Variants in RAB28 observed in about 807,000 individuals in gnomAD.
The protein encoded by RAB28 is RAB28, member RAS oncogene family, also known as ras-related protein Rab-28.
Under a neutral mutation model 31.7 loss-of-function variants are expected in RAB28, and 24 were observed. The ratio of observed to expected loss-of-function variants is 0.76; its 90% CI spans 0.55 to 1.06. RAB28 has a LOEUF of 1.06. Among genes scored for constraint, RAB28 ranks in the 50% least tolerant of loss-of-function variants. The pLI is 0.00. For missense variants in RAB28, 254 were observed against 258.5 expected (o/e 0.98, Z 0.12); for synonymous variants, 100 against 90.4 (o/e 1.11, Z -0.60).
intron 4 of RAB28, among the ~76,000 whole-genome samples, chr4:13,428,905 G>A (rs879853142): frequency 8.0e-5 from 12 of 149,658 alleles, no homozygotes; most frequent in African/African-American, 2.7e-4. Context: ...AATAAATGCC[G>A]AAGAAGCATT....
At chr4:13,392,255 T>C (rs78020660) in intron 4 of RAB28, among the ~76,000 whole-genome samples, 2 of 152,292 alleles carry the variant, frequency 1.3e-5, no homozygotes, top group East Asian at 3.9e-4. Flanking sequence ...GAGACAGATT[T>C]TGATGAGTAA....
chr4:13,403,887 T>C (rs1157107566), intron 4 of RAB28, among the ~76,000 whole-genome samples: 1 of 152,212 alleles, frequency 6.6e-6, no homozygotes, highest in Non-Finnish European at 1.5e-5. Flanking sequence ...AAAATGCATT[T>C]AGCCAAATTA....
intron 4 of RAB28, among the ~76,000 whole-genome samples, chr4:13,439,562 G>A (rs1263811888): frequency 6.6e-6 from 1 of 152,126 alleles, no homozygotes; most frequent in Middle Eastern, 3.2e-3. Context: ...GGCCAGACTG[G>A]TCTCAAACTC....
chr4:13,444,712 T>A (rs1048056196), intron 4 of RAB28, among the ~76,000 whole-genome samples: 5 of 152,234 alleles, frequency 3.3e-5, no homozygotes, highest in African/African-American at 1.2e-4. Flanking sequence ...TGTGGTGATA[T>A]TTAATTGTGG....
chr4:13,372,526 G>A (rs1444012997), intron 6 of RAB28, among the ~76,000 whole-genome samples: 1 of 152,074 alleles, frequency 6.6e-6, no homozygotes, highest in Non-Finnish European at 1.5e-5. Flanking sequence ...TAATTTAAAA[G>A]GTGAATAGGA....
chr4:13,446,486 C>T (rs1393884488), intron 4 of RAB28, among the ~76,000 whole-genome samples: 1 of 152,194 alleles, frequency 6.6e-6, no homozygotes, highest in Non-Finnish European at 1.5e-5. Flanking sequence ...ACCCGGGGCC[C>T]TGGTGGTGTA....
Position 13,484,091 on chromosome 4 carries a change from G to A in RAB28, c.60C>T (p.Asp20=), listed in dbSNP as rs2108982081. ...GAGGACTGACCTTCCCGGAGGCGCC[G>A]TCCCCCAGCACGACGATTTTCAGTT... ...DRQLKIVVLG[D]GASGKTSLTT... Residue 20 remains aspartate (D), a synonymous_variant, in exon 1 of 7, where the codon GAC becomes GAT. Transcript: ENST00000330852. 2.5e-6 allele frequency: 4 copies of A among 1,600,576 alleles called. No homozygotes were observed. Among genetic ancestry groups the A allele is most frequent in the Non-Finnish European group, 3.4e-6 (4 of 1,174,160 alleles).
chr4:13,385,110 C>A (rs1729306370), intron 4 of RAB28, among the ~76,000 whole-genome samples: 1 of 152,056 alleles, frequency 6.6e-6, no homozygotes, highest in Non-Finnish European at 1.5e-5. Context: ...AATCCCAGAG[C>A]CTGAAGACTG....
chr4:13,460,867 T>G, intron 3 of RAB28, 39 bp from the exon 4 acceptor site: 1 of 1,581,696 alleles, frequency 6.3e-7, no homozygotes, highest in South Asian at 1.1e-5. Context: ...TAATGTATTA[T>G]TTGGTGAAAA....
chr4:13,477,785 C>T (rs1214883328), intron 2 of RAB28, among the ~76,000 whole-genome samples: 1 of 151,354 alleles, frequency 6.6e-6, no homozygotes, highest in East Asian at 1.9e-4. Flanking sequence ...AAATATTATA[C>T]TATAAATCTC....
chr4:13,473,176 G>T (rs888356026), intron 3 of RAB28, among the ~76,000 whole-genome samples: 1 of 151,866 alleles, frequency 6.6e-6, no homozygotes, highest in Non-Finnish European at 1.5e-5. Flanking sequence ...TATTTGACAT[G>T]AACCAAACTT....
chr4:13,372,549 G>C (rs1728757408), intron 6 of RAB28, among the ~76,000 whole-genome samples: 1 of 152,016 alleles, frequency 6.6e-6, no homozygotes, highest in Non-Finnish European at 1.5e-5. Flanking sequence ...AAGAAAAAAT[G>C]TTATGTAATA....
At chr4:13,466,142 C>G (rs1715829904) in intron 3 of RAB28, among the ~76,000 whole-genome samples, 1 of 151,842 alleles carries the variant, frequency 6.6e-6, no homozygotes, top group Admixed American at 6.6e-5. Flanking sequence ...TGGAGGAAAA[C>G]TACAAAATAT....
intron 4 of RAB28, among the ~76,000 whole-genome samples, chr4:13,420,174 C>G (rs531928367): frequency 6.6e-6 from 1 of 152,182 alleles, no homozygotes; most frequent in Non-Finnish European, 1.5e-5. Context: ...GGATACATTC[C>G]CGGAAACATA....
At chr4:13,395,420 T>A (rs1487466232) in intron 4 of RAB28, among the ~76,000 whole-genome samples, 1 of 152,034 alleles carries the variant, frequency 6.6e-6, no homozygotes. Context: ...AGCCCAAACA[T>A]AACAAGCAAA....
chr4:13,379,071 G>A (rs1397957549), intron 5 of RAB28, among the ~76,000 whole-genome samples: 2 of 151,410 alleles, frequency 1.3e-5, no homozygotes, highest in South Asian at 2.1e-4. Context: ...GCCAGGCGTG[G>A]TGGTGGGTGC....
chr4:13,422,787 A>G (rs1713240620), intron 4 of RAB28, among the ~76,000 whole-genome samples: 1 of 152,118 alleles, frequency 6.6e-6, no homozygotes, highest in African/African-American at 2.4e-5. Context: ...ATTAGGAGAA[A>G]TACCTAATGT....
At chr4:13,394,933 G>A (rs1729806761) in intron 4 of RAB28, among the ~76,000 whole-genome samples, 1 of 152,080 alleles carries the variant, frequency 6.6e-6, no homozygotes, top group South Asian at 2.1e-4. Context: ...TAACAACCTT[G>A]GCGAATAGGT....
At chr4:13,412,655 G>C (rs1044951449) in intron 4 of RAB28, among the ~76,000 whole-genome samples, 1 of 151,902 alleles carries the variant, frequency 6.6e-6, no homozygotes, top group African/African-American at 2.4e-5. Context: ...AATCAGCACA[G>C]ACTTTATACA....
Sources: allele counts gnomAD v4.1 joint callset (sites outside exome capture counted in the v4.1 genomes callset), GRCh38; gene constraint gnomAD v4.1.1; transcripts MANE v1.5; gene names NCBI Gene and HGNC (gene_info 2026-07-23, HGNC 2026-07-21).